The following DCC variants were observed in gnomAD, a reference collection of about 807,000 sequenced individuals.
DCC encodes the protein netrin receptor DCC.
DCC carries 58 observed loss-of-function variants against 172.5 expected under a neutral mutation model. That is an observed-to-expected ratio of 0.34 (90% CI 0.27 to 0.42). DCC has a LOEUF of 0.42. Among genes scored for constraint, DCC ranks in the 10% least tolerant of loss-of-function variants. DCC has a pLI of 1.00. For missense variants in DCC, 1,740 were observed against 1,791.0 expected (o/e 0.97, Z 0.51); for synonymous variants, 709 against 644.5 (o/e 1.10, Z -1.52).
intron 5 of DCC, among the ~76,000 whole-genome samples, chr18:52,930,590 C>T (rs2040292546): frequency 6.6e-6 from 1 of 152,098 alleles, no homozygotes; most frequent in Non-Finnish European, 1.5e-5. Context: ...TTTTGAATAT[C>T]TAAACATTTT....
intron 1 of DCC, among the ~76,000 whole-genome samples, chr18:52,527,478 C>T (rs932230295): frequency 6.6e-6 from 1 of 152,144 alleles, no homozygotes; most frequent in East Asian, 1.9e-4. Flanking sequence ...CTTAATTGCA[C>T]TTAAATGATG....
At chr18:53,146,128 A>G (rs1374647191) in intron 7 of DCC, among the ~76,000 whole-genome samples, 2 of 152,082 alleles carry the variant, frequency 1.3e-5, no homozygotes, top group Non-Finnish European at 2.9e-5. Context: ...GCTCCTTGGG[A>G]GGCTGAGTCT....
At chr18:53,037,160 C>A (rs1324685798) in intron 5 of DCC, among the ~76,000 whole-genome samples, 1 of 151,926 alleles carries the variant, frequency 6.6e-6, no homozygotes, top group Non-Finnish European at 1.5e-5. Context: ...AGAGTTCCAT[C>A]CCACAGCTAG....
intron 12 of DCC, among the ~76,000 whole-genome samples, chr18:53,258,752 G>A (rs1235018971): frequency 4.6e-5 from 7 of 152,076 alleles, no homozygotes; most frequent in Non-Finnish European, 7.4e-5. Context: ...GCTGAGTTTA[G>A]TTCCTGGATA....
intron 27 of DCC, among the ~76,000 whole-genome samples, chr18:53,501,141 G>A (rs1476552187): frequency 2.6e-5 from 4 of 152,146 alleles, no homozygotes; most frequent in Non-Finnish European, 5.9e-5. Context: ...CAGCTTAATT[G>A]CAACTGCTAA....
At chr18:52,611,956 G>A (rs1298935370) in intron 1 of DCC, among the ~76,000 whole-genome samples, 1 of 152,102 alleles carries the variant, frequency 6.6e-6, no homozygotes, top group Non-Finnish European at 1.5e-5. Context: ...ATAAACTAGA[G>A]GAGAAAACAG....
chr18:52,347,370 C>T (rs1983923882), intron 1 of DCC, among the ~76,000 whole-genome samples: 1 of 152,062 alleles, frequency 6.6e-6, no homozygotes, highest in African/African-American at 2.4e-5. Context: ...CATAATTTAA[C>T]CTGTTCTTAA....
chr18:53,190,924 A>C (rs1356024401), intron 9 of DCC, among the ~76,000 whole-genome samples: 1 of 152,178 alleles, frequency 6.6e-6, no homozygotes, highest in Non-Finnish European at 1.5e-5. Context: ...CTTGCCTGGG[A>C]GACAGAGCGG....
At chr18:53,287,455 A>G (rs1454055914) in intron 12 of DCC, among the ~76,000 whole-genome samples, 9 of 152,194 alleles carry the variant, frequency 5.9e-5, no homozygotes, top group Non-Finnish European at 1.2e-4. Flanking sequence ...ACATTTGTAA[A>G]TAAGTTTATA....
chr18:52,795,727 T>G (rs2145215605), intron 2 of DCC, among the ~76,000 whole-genome samples: 1 of 152,162 alleles, frequency 6.6e-6, no homozygotes, highest in Admixed American at 6.5e-5. Context: ...ATGATGTCAT[T>G]TATTGCTATA....
At chr18:52,816,329 C>T (rs371955662) in intron 2 of DCC, among the ~76,000 whole-genome samples, 2 of 152,282 alleles carry the variant, frequency 1.3e-5, no homozygotes, top group East Asian at 3.9e-4. Flanking sequence ...CGGTCTAACT[C>T]TCCAGTCAAC....
At chr18:52,750,997 C>G (rs2036985516) in intron 1 of DCC, among the ~76,000 whole-genome samples, 2 of 152,172 alleles carry the variant, frequency 1.3e-5, no homozygotes, top group Admixed American at 1.3e-4. Flanking sequence ...AAATGTCCAT[C>G]TCTTCTGCAT....
chr18:53,022,811 T>C (rs983573824), intron 5 of DCC, among the ~76,000 whole-genome samples: 2 of 151,944 alleles, frequency 1.3e-5, no homozygotes, highest in Admixed American at 1.3e-4. Flanking sequence ...AATTTAAATG[T>C]GATGACTGTA....
chr18:52,929,108 G>A (rs1265639370), intron 5 of DCC, among the ~76,000 whole-genome samples: 1 of 152,156 alleles, frequency 6.6e-6, no homozygotes, highest in Admixed American at 6.5e-5. Flanking sequence ...CCCTCGAGGA[G>A]CTGCCTCTCT....
chr18:53,375,262 T>C (rs2058098752), intron 15 of DCC, among the ~76,000 whole-genome samples: 1 of 152,176 alleles, frequency 6.6e-6, no homozygotes, highest in Non-Finnish European at 1.5e-5. Flanking sequence ...TTTCTGTTCA[T>C]GTCTTCTGTT....
chr18:53,110,610 A>G (rs1201516053), intron 7 of DCC, among the ~76,000 whole-genome samples: 3 of 151,474 alleles, frequency 2.0e-5, no homozygotes, highest in Non-Finnish European at 2.9e-5. Context: ...ACACTTCTCA[A>G]AAGAAGACAT....
intron 27 of DCC, among the ~76,000 whole-genome samples, chr18:53,514,821 A>G (rs1433513049): frequency 1.3e-5 from 2 of 152,016 alleles, no homozygotes; most frequent in Admixed American, 6.5e-5. Flanking sequence ...CTTACCAACC[A>G]AAAAGAGTCC....
At position 52,925,286 on chromosome 18, in the gene DCC, A is replaced by G; in HGVS notation, c.901A>G (p.Thr301Ala). Residue 301 changes from threonine to alanine, a missense_variant, in exon 5 of 29, where the codon ACA (threonine) becomes GCA (alanine). Thr to Ala is a moderately conservative substitution (Grantham distance 58, BLOSUM62 0). Transcript: ENST00000442544. Reference sequence around the variant, plus strand: ...AAGCAACTTGCTTATCTCCAATGTGACAGATGATGACAGTGGAATGTATAC... The same window carrying G: ...AAGCAACTTGCTTATCTCCAATGTGGCAGATGATGACAGTGGAATGTATAC... ...GGSNLLISNV[T>A]DDDSGMYTCV... 6.2e-7 allele frequency: 1 copy of G among 1,612,608 alleles called. No individual in the cohort carries two copies. Among genetic ancestry groups the G allele is most frequent in the Non-Finnish European group, 8.5e-7 (1 of 1,178,828 alleles).
At chr18:53,121,718 T>C (rs528337593) in intron 7 of DCC, among the ~76,000 whole-genome samples, 1 of 152,044 alleles carries the variant, frequency 6.6e-6, no homozygotes, top group South Asian at 2.1e-4. Context: ...ACACTGTGGT[T>C]AATAATTTTA....
Sources: gnomAD v4.1 joint callset for allele counts (sites outside exome capture counted in the v4.1 genomes callset) on GRCh38, gnomAD v4.1.1 for gene constraint, MANE v1.5 for transcripts, NCBI Gene and HGNC (gene_info 2026-07-23, HGNC 2026-07-21) for gene names.